MGAT5: variants seen among roughly 807,000 people sequenced by gnomAD.
MGAT5 encodes the protein alpha-1,6-mannosylglycoprotein 6-beta-N-acetylglucosaminyltransferase.
In MGAT5, 30 loss-of-function variants were observed where a neutral mutation model predicts 94.3. That is an observed-to-expected ratio of 0.32 (90% CI 0.24 to 0.43). MGAT5 has a LOEUF of 0.43. Ranked by LOEUF, MGAT5 falls within the 20% of genes least tolerant of loss-of-function variation. The pLI is 1.00. For missense variants in MGAT5, 691 were observed against 905.5 expected (o/e 0.76, Z 3.04); for synonymous variants, 310 against 322.9 (o/e 0.96, Z 0.43).
chr2:134,180,374 C>A (rs1688676618), intron 1 of MGAT5, among the ~76,000 whole-genome samples: 2 of 152,194 alleles, frequency 1.3e-5, no homozygotes, highest in Admixed American at 1.3e-4. Context: ...AACTCTAGGG[C>A]TATTTTTAAT....
intron 1 of MGAT5, among the ~76,000 whole-genome samples, chr2:134,135,658 C>G (rs1686370120): frequency 7.3e-6 from 1 of 137,834 alleles, no homozygotes; most frequent in African/African-American, 2.7e-5. Context: ...CGCCACTGCA[C>G]TCTAGCCTGG....
In MGAT5 at chr2:134,257,836, C is replaced by CT. The variant is rs10628858; in HGVS notation, c.241+3211dup. Reference sequence around the variant, plus strand: ...TGCATAGGCCATTAGTTTGCAGTCTCTTTTTTTTTTTTTTTTTTTGCCATA... The same window carrying CT: ...TGCATAGGCCATTAGTTTGCAGTCTCTTTTTTTTTTTTTTTTTTTTGCCATA... On this transcript the variant is annotated intron_variant, in intron 1 of 15. Transcript: ENST00000281923. Among the ~76,000 whole-genome samples the CT allele has an allele frequency of 6.4e-3, 682 of 106,452 alleles. 5 individuals are homozygous for CT. The highest frequency in any genetic ancestry group is 9.1e-3 in the Non-Finnish European group (491 of 54,244). 69.8% of individuals were successfully genotyped at this position (106,452 alleles called of 152,430 possible).
chr2:134,195,652 G>A (rs1439615379), intron 1 of MGAT5, among the ~76,000 whole-genome samples: 10 of 152,132 alleles, frequency 6.6e-5, no homozygotes, highest in Admixed American at 6.5e-4. Flanking sequence ...TTAATTCCTA[G>A]TACCTACTGC....
intron 10 of MGAT5, among the ~76,000 whole-genome samples, chr2:134,381,368 TAAGATA>T (rs1399472326): frequency 0.19 from 14,587 of 77,738 alleles, 980 homozygotes; most frequent in Middle Eastern, 0.37. Context: ...GATAGATAGA[TAAGATA>T]AGATAGATTA....
At chr2:134,145,604 C>G (rs1306201602) in intron 1 of MGAT5, among the ~76,000 whole-genome samples, 1 of 152,212 alleles carries the variant, frequency 6.6e-6, no homozygotes, top group East Asian at 1.9e-4. Context: ...CTGAAAATAA[C>G]TAACAAGATC....
At chr2:134,336,334 A>G (rs1293656154) in intron 5 of MGAT5, 46 bp downstream of exon 5, 1 of 1,477,594 alleles carries the variant, frequency 6.8e-7, no homozygotes, top group Non-Finnish European at 9.4e-7. Flanking sequence ...CATTTAGGTC[A>G]GATGCCAAGT....
intron 1 of MGAT5, among the ~76,000 whole-genome samples, chr2:134,135,071 A>G (rs954316490): frequency 5.3e-5 from 8 of 152,226 alleles, no homozygotes; most frequent in Admixed American, 2.0e-4. Context: ...GAAGGCATCT[A>G]ATGGCTCCAT....
intron 9 of MGAT5, among the ~76,000 whole-genome samples, chr2:134,352,485 A>C (rs1679449944): frequency 6.6e-6 from 1 of 152,202 alleles, no homozygotes; most frequent in South Asian, 2.1e-4. Context: ...TGTCAGATAC[A>C]AAGGAAGAGT....
At chr2:134,400,511 C>G (rs147543986) in intron 10 of MGAT5, among the ~76,000 whole-genome samples, 1 of 152,124 alleles carries the variant, frequency 6.6e-6, no homozygotes, top group South Asian at 2.1e-4. Flanking sequence ...GAACTTGCCC[C>G]CTTGTTATAC....
rs1686033908 is a variant in MGAT5, at chr2:134,450,342, A to G, written c.*1495A>G. On this transcript the variant is annotated 3_prime_UTR_variant, in exon 16 of 16. Transcript: ENST00000281923. ...GGGGCTTCCAAGCACCCTTCCTGCT[A>G]ACAGAGGGCGGCCCAGTGGAGCCTC... 6.6e-6 allele frequency: 1 copy of G among 152,106 alleles called. No homozygotes were observed. Among genetic ancestry groups the G allele is most frequent in the East Asian group, 1.9e-4 (1 of 5,164 alleles). 9.4% of individuals were successfully genotyped at this position (152,106 alleles called of 1,614,324 possible).
In MGAT5 at chr2:134,391,226, C is replaced by T. The variant is rs1459204845; in HGVS notation, c.1381-11762C>T. On this transcript the variant is annotated intron_variant, in intron 10 of 15. Transcript: ENST00000281923. ...GGAGGTAGGTGGTGCCGTTAGTGAT[C>T]TGCTTGAGGAAACCATCCAAAAGAG... Among the ~76,000 whole-genome samples, 10 of 152,142 alleles carry T rather than the reference C, an allele frequency of 6.6e-5. No individual in the cohort carries two copies. In the East Asian group the frequency reaches 1.9e-3, roughly 30 times the overall value.
At chr2:134,209,141 A>ATTGTTTTT in intron 1 of MGAT5, among the ~76,000 whole-genome samples, 1 of 16,084 alleles carries the variant, frequency 6.2e-5, no homozygotes, top group Non-Finnish European at 8.8e-5. Flanking sequence ...GAACTGGCTT[A>ATTGTTTTT]TTTTTTTTTT....
intron 1 of MGAT5, among the ~76,000 whole-genome samples, chr2:134,184,510 T>C (rs932266263): frequency 6.6e-6 from 1 of 152,176 alleles, no homozygotes; most frequent in African/African-American, 2.4e-5. Flanking sequence ...AACTGATTCC[T>C]TTTTAGAGAA....
chr2:134,230,609 T>G (rs1573570159), intron 1 of MGAT5, among the ~76,000 whole-genome samples: 1 of 152,192 alleles, frequency 6.6e-6, no homozygotes, highest in South Asian at 2.1e-4. Flanking sequence ...ACCCCTTGAC[T>G]ATGTACAATT....
chr2:134,324,536 C>A (rs1687531828), intron 4 of MGAT5, among the ~76,000 whole-genome samples: 1 of 152,088 alleles, frequency 6.6e-6, no homozygotes, highest in Non-Finnish European at 1.5e-5. Flanking sequence ...TAATGCCCAA[C>A]AGGAAAGGTT....
chr2:134,184,341 T>C (rs1459200882), intron 1 of MGAT5, among the ~76,000 whole-genome samples: 1 of 152,176 alleles, frequency 6.6e-6, no homozygotes, highest in East Asian at 1.9e-4. Flanking sequence ...AGACTTTCCT[T>C]GGCCTCTCCC....
intron 2 of MGAT5, among the ~76,000 whole-genome samples, chr2:134,284,967 T>A (rs1684916013): frequency 6.6e-6 from 1 of 152,244 alleles, no homozygotes; most frequent in Non-Finnish European, 1.5e-5. Context: ...GTTTCAGGTG[T>A]TAAGCATACT....
At chr2:134,201,629 C>T (rs1679787475) in intron 1 of MGAT5, among the ~76,000 whole-genome samples, 1 of 152,042 alleles carries the variant, frequency 6.6e-6, no homozygotes, top group Non-Finnish European at 1.5e-5. Context: ...CTCCTTTCAC[C>T]TTCGGGGCGA....
chr2:134,387,828 C>T (rs1335016089), intron 10 of MGAT5, among the ~76,000 whole-genome samples: 2 of 152,098 alleles, frequency 1.3e-5, no homozygotes, highest in Non-Finnish European at 2.9e-5. Flanking sequence ...CAAATGTGTA[C>T]CCAAGAGCTC....
Sources: allele counts gnomAD v4.1 joint callset (sites outside exome capture counted in the v4.1 genomes callset), GRCh38; gene constraint gnomAD v4.1.1; transcripts MANE v1.5; gene names NCBI Gene and HGNC (gene_info 2026-07-23, HGNC 2026-07-21).